Variants in NPAS3 observed in about 807,000 individuals in gnomAD.
NPAS3 encodes neuronal PAS domain-containing protein 3.
NPAS3 carries 14 observed loss-of-function variants against 73.1 expected under a neutral mutation model. The observed-to-expected ratio is 0.19, with a 90% confidence interval of 0.13 to 0.30. The LOEUF is 0.30. Ranked by LOEUF, NPAS3 falls within the 10% of genes least tolerant of loss-of-function variation. The pLI is 1.00. For missense variants in NPAS3, 1,096 were observed against 1,250.0 expected (o/e 0.88, Z 1.86); for synonymous variants, 620 against 541.5 (o/e 1.14, Z -2.01).
At chr14:33,537,336 TA>T in intron 4 of NPAS3, among the ~76,000 whole-genome samples, 1 of 152,302 alleles carries the variant, frequency 6.6e-6, no homozygotes, top group East Asian at 1.9e-4. Context: ...TTTTGAGGAT[TA>T]AAATGAAACA....
chr14:33,727,917 A>G (rs2061312512), intron 6 of NPAS3, among the ~76,000 whole-genome samples: 1 of 152,184 alleles, frequency 6.6e-6, no homozygotes, highest in East Asian at 1.9e-4. Context: ...CATCCTTTGG[A>G]GTGCACAGCC....
intron 4 of NPAS3, among the ~76,000 whole-genome samples, chr14:33,451,180 A>C (rs2049773859): frequency 6.6e-6 from 1 of 152,230 alleles, no homozygotes; most frequent in Non-Finnish European, 1.5e-5. Flanking sequence ...ATATTTGTAG[A>C]ATACAAAATT....
chr14:33,799,197 G>A (rs1460260878), intron 11 of NPAS3, among the ~76,000 whole-genome samples: 1 of 152,088 alleles, frequency 6.6e-6, no homozygotes, highest in South Asian at 2.1e-4. Flanking sequence ...TCAGATGGTG[G>A]TAAGTGCTGT....
chr14:33,792,537 C>G (rs962095803), intron 9 of NPAS3, among the ~76,000 whole-genome samples: 2 of 150,808 alleles, frequency 1.3e-5, no homozygotes, highest in African/African-American at 4.9e-5. Flanking sequence ...TTAAACACAG[C>G]CCTTTTCCAA....
At chr14:33,414,825 T>A (rs922046706) in intron 4 of NPAS3, among the ~76,000 whole-genome samples, 1 of 152,156 alleles carries the variant, frequency 6.6e-6, no homozygotes, top group Admixed American at 6.6e-5. Flanking sequence ...TGAGAATTAC[T>A]GGTCAAAATC....
At chr14:32,937,173 A>C (rs72674120), upstream of NPAS3, among the ~76,000 whole-genome samples, 37,487 of 151,800 alleles carry the variant, frequency 0.25, 5,762 homozygotes, top group Middle Eastern at 0.39. Flanking sequence ...GTAGGGTCTG[A>C]GTCAGGAGTC....
At chr14:33,703,972 C>T (rs116067427) in intron 6 of NPAS3, among the ~76,000 whole-genome samples, 2,471 of 152,244 alleles carry the variant, frequency 0.016, 50 homozygotes, top group African/African-American at 0.056. Flanking sequence ...CTTTGAATCT[C>T]GTCTCAGAGC....
At chr14:33,292,926 C>G (rs2042158098) in intron 3 of NPAS3, among the ~76,000 whole-genome samples, 1 of 152,108 alleles carries the variant, frequency 6.6e-6, no homozygotes, top group Non-Finnish European at 1.5e-5. Context: ...TTCTAGGTTA[C>G]TAGAATCAAT....
At chr14:33,663,237 T>C (rs540129891) in intron 5 of NPAS3, among the ~76,000 whole-genome samples, 1 of 152,334 alleles carries the variant, frequency 6.6e-6, no homozygotes, top group East Asian at 1.9e-4. Flanking sequence ...TATTTTGAGA[T>C]ACATTCCATC....
intron 3 of NPAS3, among the ~76,000 whole-genome samples, chr14:33,297,430 T>G (rs2042346368): frequency 6.6e-6 from 1 of 152,274 alleles, no homozygotes; most frequent in South Asian, 2.1e-4. Flanking sequence ...AAAATAAAAG[T>G]GCTCAGTTCC....
At chr14:33,465,695 A>G (rs945004572) in intron 4 of NPAS3, among the ~76,000 whole-genome samples, 3 of 152,362 alleles carry the variant, frequency 2.0e-5, no homozygotes, top group Middle Eastern at 6.8e-3. Flanking sequence ...TAACTTCTAT[A>G]TACTAAATAA....
At chr14:33,339,826 T>A (rs898812920) in intron 3 of NPAS3, among the ~76,000 whole-genome samples, 1 of 152,252 alleles carries the variant, frequency 6.6e-6, no homozygotes, top group Non-Finnish European at 1.5e-5. Flanking sequence ...CTTAAATCCA[T>A]GTTTTAAGAA....
At chr14:33,068,875 G>A (rs1432542992) in intron 2 of NPAS3, among the ~76,000 whole-genome samples, 1 of 152,190 alleles carries the variant, frequency 6.6e-6, no homozygotes, top group Non-Finnish European at 1.5e-5. Context: ...AGGCCAGTGT[G>A]GTGGGGGCTG....
chr14:33,308,529 C>T (rs35051325), intron 3 of NPAS3, among the ~76,000 whole-genome samples: 3,043 of 114,300 alleles, frequency 0.027, 284 homozygotes, highest in African/African-American at 0.1. Context: ...TATATATATA[C>T]ATACACACAC....
chr14:33,756,264 C>A (rs1313430958), intron 7 of NPAS3, among the ~76,000 whole-genome samples: 1 of 152,106 alleles, frequency 6.6e-6, no homozygotes, highest in Non-Finnish European at 1.5e-5. Context: ...CCCAGATGAG[C>A]CAAACCCACC....
intron 2 of NPAS3, among the ~76,000 whole-genome samples, chr14:33,126,756 A>G (rs937793955): frequency 6.6e-6 from 1 of 152,078 alleles, no homozygotes; most frequent in African/African-American, 2.4e-5. Context: ...TATTGTAACA[A>G]GCATGTACAG....
intron 1 of NPAS3, among the ~76,000 whole-genome samples, chr14:32,980,516 A>T (rs1478535589): frequency 1.3e-5 from 2 of 152,194 alleles, no homozygotes; most frequent in Non-Finnish European, 2.9e-5. Flanking sequence ...GGGGATATTA[A>T]TTTTTTTGTA....
At chr14:33,628,786 G>T in intron 5 of NPAS3, among the ~76,000 whole-genome samples, 1 of 152,086 alleles carries the variant, frequency 6.6e-6, no homozygotes, top group Admixed American at 6.6e-5. Context: ...TGGGCTCCTG[G>T]GTATTGAGAG....
chr14:33,491,018 A>G (rs1249981935), intron 4 of NPAS3, among the ~76,000 whole-genome samples: 2 of 152,212 alleles, frequency 1.3e-5, no homozygotes, highest in Admixed American at 6.5e-5. Context: ...TTATCTGTTC[A>G]GTTTTTCTAT....
Sources: gnomAD v4.1 joint callset for allele counts (sites outside exome capture counted in the v4.1 genomes callset) on GRCh38, gnomAD v4.1.1 for gene constraint, MANE v1.5 for transcripts, NCBI Gene and HGNC (gene_info 2026-07-23, HGNC 2026-07-21) for gene names.